Variants in TMEM184B observed in about 807,000 individuals in gnomAD.
TMEM184B encodes transmembrane protein 184B.
TMEM184B carries 17 observed loss-of-function variants against 41.8 expected under a neutral mutation model. The observed-to-expected ratio is 0.41, with a 90% CI of 0.28 to 0.61. The LOEUF is 0.61. TMEM184B is among the 20% of genes least tolerant of loss of function. TMEM184B has a pLI of 0.34. For missense variants in TMEM184B, 393 were observed against 557.8 expected, an observed-to-expected ratio of 0.70 and a Z score of 2.98; for synonymous variants, 240 against 229.5, an observed-to-expected ratio of 1.05 and a Z score of -0.41.
Position 38,220,138 on chromosome 22 carries a change from C to T in TMEM184B, c.*1331G>A, listed in dbSNP as rs75292970. 5,419 of 985,378 alleles carry T rather than the reference C, an allele frequency of 5.5e-3. 217 individuals are homozygous for T. In the African/African-American group the frequency reaches 0.085, roughly 16 times the overall value. The allele number at this position is 985,378 out of a possible 1,614,324, so 61.0% of individuals were successfully genotyped here. On this transcript the variant is annotated 3_prime_UTR_variant, in exon 9 of 9. Transcript: ENST00000361906. Reference sequence around the variant, plus strand: ...GCCTGTAGGGACACGTGTTGTGACACGAGGCTCTTCCTAAGTCAGGAGCTA... The same window carrying T: ...GCCTGTAGGGACACGTGTTGTGACATGAGGCTCTTCCTAAGTCAGGAGCTA...
Position 38,220,695 on chromosome 22 carries a change from A to G in TMEM184B, c.*774T>C, listed in dbSNP as rs542151928. 10 of 986,280 alleles carry G rather than the reference A, an allele frequency of 1.0e-5. No homozygotes were observed. The South Asian group carries it at 3.3e-4, about 32-fold the overall frequency. The allele number at this position is 986,280 out of a possible 1,614,324, so 61.1% of individuals were successfully genotyped here. ...GCAAGGGCTCTGCCCAAAGCTATCG[A>G]GGAAGGACCCAAGTGAGCCGGCAGT... On this transcript the variant is annotated 3_prime_UTR_variant, in exon 9 of 9. Transcript: ENST00000361906.
intron 1 of TMEM184B, among the ~76,000 whole-genome samples, chr22:38,263,587 T>C (rs1382033856): frequency 6.6e-6 from 1 of 152,190 alleles, no homozygotes; most frequent in Non-Finnish European, 1.5e-5. Flanking sequence ...CTCCAATCTT[T>C]TGCTATTAAA....
chr22:38,255,538 T>C (rs1387641195), intron 1 of TMEM184B, among the ~76,000 whole-genome samples: 1 of 152,248 alleles, frequency 6.6e-6, no homozygotes, highest in Non-Finnish European at 1.5e-5. Flanking sequence ...GGACATTTAT[T>C]CTACAGGAAT....
At position 38,221,440 on chromosome 22, in the gene TMEM184B, GC is replaced by G. The variant is rs1332653732; in HGVS notation, c.*28del. The G allele has an allele frequency of 3.2e-6, 5 of 1,568,598 alleles. No homozygotes were observed. In the African/African-American group the frequency reaches 5.4e-5, roughly 17 times the overall value. On this transcript the variant is annotated 3_prime_UTR_variant, in exon 9 of 9. Coordinates refer to ENST00000361906, the MANE Select transcript of TMEM184B (RefSeq NM_012264.5). ...GGCACAGCCTGACCGTGGCTATGGC[GC>G]CAGCACTTCCGCCACTGCAGCCCGC...
At position 38,272,874 on chromosome 22, in the gene TMEM184B, G is replaced by A; in HGVS notation, c.-59+10C>T. 2 of 909,980 alleles carry A rather than the reference G, an allele frequency of 2.2e-6. No homozygotes were observed. The highest frequency in any genetic ancestry group is 1.2e-4 in the East Asian group (1 of 8,220). 56.4% of individuals were successfully genotyped at this position (909,980 alleles called of 1,614,324 possible). A position where few individuals can be genotyped will look rare whatever the true frequency, so the allele number is the denominator to read the frequency against. On this transcript the variant is annotated intron_variant, in intron 1 of 8. Coordinates refer to ENST00000361906, the MANE Select transcript of TMEM184B (RefSeq NM_012264.5). The stretch of plus-strand genomic sequence containing the variant: ...TGGGGCTCCCGGGCGAGGCCGGCCA[G>A]GCGGGATACCTCAGGAGCCCATGGC...
In TMEM184B at chr22:38,221,137, G is replaced by A. The variant is rs2091247302; in HGVS notation, c.*332C>T. On this transcript the variant is annotated 3_prime_UTR_variant, in exon 9 of 9. Coordinates refer to ENST00000361906, the MANE Select transcript of TMEM184B (RefSeq NM_012264.5). The stretch of plus-strand genomic sequence containing the variant: ...GAGGGGCTAGAAGGCTGCAGCCGCT[G>A]GTCCACACACAAGCATTGGGGCCTG... 10 of 1,161,264 alleles carry A rather than the reference G, an allele frequency of 8.6e-6. No individual in the cohort carries two copies. The highest frequency in any genetic ancestry group is 1.1e-5 in the Non-Finnish European group (10 of 939,602). The allele number at this position is 1,161,264 out of a possible 1,614,324, so 71.9% of individuals were successfully genotyped here. A position where few individuals can be genotyped will look rare whatever the true frequency, so the allele number is the denominator to read the frequency against.
chr22:38,272,815 C>T, intron 1 of TMEM184B, 69 bp downstream of exon 1: 1 of 981,766 alleles, frequency 1.0e-6, no homozygotes, highest in Non-Finnish European at 1.2e-6. Context: ...CCGAAACAAG[C>T]AGCCCCCCGC....
chr22:38,264,762 C>T (rs775788554), intron 1 of TMEM184B, among the ~76,000 whole-genome samples: 14 of 152,194 alleles, frequency 9.2e-5, no homozygotes, highest in Non-Finnish European at 1.9e-4. Flanking sequence ...GGCCCAACTA[C>T]TGCAAACTGG....
chr22:38,255,135 C>T (rs1394370404), intron 1 of TMEM184B, among the ~76,000 whole-genome samples: 1 of 152,178 alleles, frequency 6.6e-6, no homozygotes, highest in Non-Finnish European at 1.5e-5. Context: ...AAGCTATTCT[C>T]CTGCCTCAGC....
chr22:38,222,142 C>T lies in TMEM184B; in HGVS notation c.983-432G>A, dbSNP rs80351935. The T allele has an allele frequency of 3.4e-3, 700 of 206,100 alleles. 7 individuals carry two copies. The highest frequency in any genetic ancestry group is 0.015 in the African/African-American group (637 of 42,854). The allele number at this position is 206,100 out of a possible 1,614,324, so 12.8% of individuals were successfully genotyped here. A position where few individuals can be genotyped will look rare whatever the true frequency, so the allele number is the denominator to read the frequency against. The stretch of plus-strand genomic sequence containing the variant: ...AGGTGCCAGGCGCGTCCCCCACCAC[C>T]GGGGGAAGTGCTGTGCTCCCTCTAC... On this transcript the variant is annotated intron_variant, in intron 8 of 8. Coordinates refer to ENST00000361906, the MANE Select transcript of TMEM184B (RefSeq NM_012264.5).
At position 38,272,924 on chromosome 22, in the gene TMEM184B, G is replaced by A; in HGVS notation, c.-99C>T. 1 of 581,754 alleles carries A rather than the reference G, an allele frequency of 1.7e-6. No homozygotes were observed. Among genetic ancestry groups the A allele is most frequent in the Non-Finnish European group, 2.2e-6 (1 of 461,470 alleles). 36.0% of individuals were successfully genotyped at this position (581,754 alleles called of 1,614,324 possible). A position where few individuals can be genotyped will look rare whatever the true frequency, so the allele number is the denominator to read the frequency against. On this transcript the variant is annotated 5_prime_UTR_variant, in exon 1 of 9. Coordinates refer to ENST00000361906, the MANE Select transcript of TMEM184B (RefSeq NM_012264.5). ...CGGTGGCGGCGTCTGCGGACGATGCGCGGCAGCCGGACTCTGCGGGCGGGG... is the reference window on the plus strand; with the variant it reads ...CGGTGGCGGCGTCTGCGGACGATGCACGGCAGCCGGACTCTGCGGGCGGGG...
chr22:38,252,673 T>G (rs964475413), intron 1 of TMEM184B, among the ~76,000 whole-genome samples: 1 of 152,172 alleles, frequency 6.6e-6, no homozygotes, highest in Non-Finnish European at 1.5e-5. Context: ...GGCTTCCATG[T>G]GGTGGGGACA....
At chr22:38,248,766 G>C (rs567795187) in intron 1 of TMEM184B, among the ~76,000 whole-genome samples, 1 of 152,144 alleles carries the variant, frequency 6.6e-6, no homozygotes. Context: ...ACAGAAATTC[G>C]GGAGCTTCCT....
intron 3 of TMEM184B, among the ~76,000 whole-genome samples, chr22:38,234,694 G>A (rs752445262): frequency 6.6e-5 from 10 of 152,080 alleles, no homozygotes; most frequent in Admixed American, 6.5e-4. Context: ...CTGAGATGCC[G>A]CCTCTTCTGT....
In TMEM184B at chr22:38,264,572, C is replaced by G. The variant is rs535645236; in HGVS notation, c.-59+8312G>C. Among the ~76,000 whole-genome samples the G allele has an allele frequency of 1.2e-4, 18 of 152,302 alleles. No homozygotes were observed. In the South Asian group the frequency reaches 1.5e-3, roughly 12 times the overall value. On this transcript the variant is annotated intron_variant, in intron 1 of 8. Transcript: ENST00000361906. ...TGACATTCACTCAGCTGGCTCTGCT[C>G]CTGGGTCCATCACAGATCTGTTATG... is the stretch of plus-strand genomic sequence containing the variant.
intron 3 of TMEM184B, among the ~76,000 whole-genome samples, chr22:38,234,498 A>T (rs1474089553): frequency 6.6e-6 from 1 of 152,224 alleles, no homozygotes; most frequent in Non-Finnish European, 1.5e-5. Flanking sequence ...CTTGACCTAT[A>T]ATATCCATGA....
At chr22:38,254,204 CAAAAAAA>C (rs61216492) in intron 1 of TMEM184B, among the ~76,000 whole-genome samples, 1 of 86,562 alleles carries the variant, frequency 1.2e-5, no homozygotes, top group Admixed American at 1.3e-4. Flanking sequence ...CTCTTGTCTC[CAAAAAAA>C]AAAAAAAAAA....
intron 3 of TMEM184B, among the ~76,000 whole-genome samples, chr22:38,242,051 G>C (rs571717112): frequency 6.6e-6 from 1 of 152,128 alleles, no homozygotes; most frequent in East Asian, 1.9e-4. Context: ...TGAAAGAGTT[G>C]AAAGTACAGT....
chr22:38,217,219 T>C (rs1010772734), downstream of TMEM184B, among the ~76,000 whole-genome samples: 3 of 150,842 alleles, frequency 2.0e-5, no homozygotes, highest in African/African-American at 7.4e-5. Flanking sequence ...GTGCGGTGGC[T>C]CACGCCTGTA....
Sources: allele counts gnomAD v4.1 joint callset (sites outside exome capture counted in the v4.1 genomes callset), GRCh38; gene constraint gnomAD v4.1.1; transcripts MANE v1.5; gene names NCBI Gene and HGNC (gene_info 2026-07-23, HGNC 2026-07-21).